The following C10orf67 variants were observed in gnomAD, a reference collection of about 807,000 sequenced individuals.
C10orf67 encodes the protein chromosome 10 open reading frame 67, also known as uncharacterized protein C10orf67, mitochondrial.
In C10orf67, 60 loss-of-function variants were observed where a neutral mutation model predicts 35.6. The ratio of observed to expected loss-of-function variants is 1.68; its 90% CI spans 1.37 to 2.09. C10orf67 has a LOEUF of 2.09. Ranked by LOEUF, C10orf67 falls within the 30% of genes most tolerant of loss-of-function variation. The pLI is 0.00. For missense variants in C10orf67, 474 were observed against 330.2 expected (o/e 1.44, Z -3.38); for synonymous variants, 167 against 115.8 (o/e 1.44, Z -2.84).
chr10:23,260,216 G>T (rs1214955177), intron 10 of C10orf67, among the ~76,000 whole-genome samples: 1 of 152,136 alleles, frequency 6.6e-6, no homozygotes, highest in Non-Finnish European at 1.5e-5. Flanking sequence ...AACTATGCAA[G>T]CCGAAAGAGG....
At chr10:23,322,565 G>A (rs560950836) in intron 2 of C10orf67, 28 bp from the exon 3 acceptor site, 22 of 1,486,792 alleles carry the variant, frequency 1.5e-5, no homozygotes, top group Non-Finnish European at 1.8e-5. Flanking sequence ...TATCCTTAGC[G>A]AAGTAACACA....
chr10:23,224,566 G>A (rs373591492), intron 13 of C10orf67, among the ~76,000 whole-genome samples: 1 of 152,106 alleles, frequency 6.6e-6, no homozygotes, highest in African/African-American at 2.4e-5. Context: ...GGCTTCAGGC[G>A]ATCAAACTTC....
At chr10:23,325,780 A>C (rs1418970599) in intron 2 of C10orf67, among the ~76,000 whole-genome samples, 1 of 152,048 alleles carries the variant, frequency 6.6e-6, no homozygotes, top group African/African-American at 2.4e-5. Flanking sequence ...AAAGATGTTA[A>C]AGCAGTTATT....
At chr10:23,275,568 T>C (rs1456818974) in intron 8 of C10orf67, among the ~76,000 whole-genome samples, 4 of 150,784 alleles carry the variant, frequency 2.7e-5, no homozygotes, top group Non-Finnish European at 4.4e-5. Flanking sequence ...AGATCACTGC[T>C]GATTACCCCT....
At chr10:23,322,273 T>G in intron 3 of C10orf67, 121 bp downstream of exon 3, 1 of 1,016,800 alleles carries the variant, frequency 9.8e-7, no homozygotes, top group Non-Finnish European at 1.4e-6. Flanking sequence ...AATTACCACA[T>G]GAGACACAAC....
chr10:23,252,000 GA>G (rs1411606013), intron 10 of C10orf67, among the ~76,000 whole-genome samples: 1 of 152,100 alleles, frequency 6.6e-6, no homozygotes, highest in Non-Finnish European at 1.5e-5. Context: ...GCAGCCCATT[GA>G]AAACAATTTT....
At chr10:23,279,719 T>G (rs1250316435) in intron 8 of C10orf67, among the ~76,000 whole-genome samples, 1 of 152,106 alleles carries the variant, frequency 6.6e-6, no homozygotes, top group Non-Finnish European at 1.5e-5. Flanking sequence ...AGATACAAAA[T>G]TATTTCATAT....
intron 7 of C10orf67, among the ~76,000 whole-genome samples, chr10:23,287,093 A>G (rs1843565791): frequency 6.6e-6 from 1 of 152,252 alleles, no homozygotes; most frequent in African/African-American, 2.4e-5. Flanking sequence ...TCAAACTACC[A>G]TTGACATTCT....
intron 1 of C10orf67, among the ~76,000 whole-genome samples, chr10:23,333,965 A>C (rs1789186975): frequency 6.6e-6 from 1 of 152,224 alleles, no homozygotes. Context: ...CACATGTTTC[A>C]GAAAAATAAA....
At chr10:23,253,861 C>A (rs1186125397) in intron 10 of C10orf67, among the ~76,000 whole-genome samples, 2 of 152,108 alleles carry the variant, frequency 1.3e-5, no homozygotes, top group Non-Finnish European at 2.9e-5. Flanking sequence ...GATAACGTCT[C>A]TTTTCATTAA....
At position 23,279,629 on chromosome 10, in the gene C10orf67, C is replaced by T. The variant is rs540826419; in HGVS notation, c.975+2384G>A. Among the ~76,000 whole-genome samples the T allele has an allele frequency of 1.6e-4, 25 of 152,256 alleles. No homozygotes were observed. The South Asian group carries it at 4.8e-3, about 29-fold the overall frequency. ...AATGAAGTAAGAGAAAGAGTTCAATCATGGTGTTTTTCTGATGAGGACCCT... is the reference window on the plus strand; with the variant it reads ...AATGAAGTAAGAGAAAGAGTTCAATTATGGTGTTTTTCTGATGAGGACCCT... On this transcript the variant is annotated intron_variant, in intron 8 of 15. Transcript: ENST00000636213.
chr10:23,304,077 C>G (rs547456174), intron 4 of C10orf67, among the ~76,000 whole-genome samples: 1 of 152,230 alleles, frequency 6.6e-6, no homozygotes, highest in South Asian at 2.1e-4. Context: ...AGGCCTCAGT[C>G]TCAGCTGTGG....
chr10:23,337,398 G>C (rs1179100577), intron 1 of C10orf67, among the ~76,000 whole-genome samples: 1 of 152,144 alleles, frequency 6.6e-6, no homozygotes, highest in Non-Finnish European at 1.5e-5. Flanking sequence ...GCCAGGTGTG[G>C]TGGCAAACAC....
chr10:23,212,233 C>A (rs1262852459), intron 15 of C10orf67, among the ~76,000 whole-genome samples: 1 of 152,180 alleles, frequency 6.6e-6, no homozygotes, highest in South Asian at 2.1e-4. Flanking sequence ...GATTCTCCCT[C>A]GCAGTCCTCA....
At chr10:23,250,384 A>G (rs375976085) in intron 12 of C10orf67, 71 bp downstream of exon 12, 184 of 397,508 alleles carry the variant, frequency 4.6e-4, no homozygotes, top group African/African-American at 3.2e-3. Context: ...AAAAATTGCA[A>G]CATTCCTAAC....
At chr10:23,297,673 G>A (rs184878140) in intron 5 of C10orf67, among the ~76,000 whole-genome samples, 167 of 152,330 alleles carry the variant, frequency 1.1e-3, no homozygotes, top group Admixed American at 9.7e-3. Context: ...CCCCCTGAGC[G>A]GCATAGGTTT....
chr10:23,253,481 C>T (rs1372217547), intron 10 of C10orf67, among the ~76,000 whole-genome samples: 1 of 152,032 alleles, frequency 6.6e-6, no homozygotes, highest in Non-Finnish European at 1.5e-5. Context: ...GGAAGAGCCC[C>T]AGGCCCAGGG....
intron 4 of C10orf67, 81 bp downstream of exon 4, chr10:23,320,660 G>A (rs559688479): frequency 9.3e-7 from 1 of 1,076,552 alleles, no homozygotes; most frequent in African/African-American, 1.6e-5. Context: ...AGACTGGGAA[G>A]CCAAGGTGAT....
At chr10:23,279,547 C>G (rs767117292) in intron 8 of C10orf67, among the ~76,000 whole-genome samples, 8 of 152,310 alleles carry the variant, frequency 5.3e-5, no homozygotes, top group Admixed American at 6.5e-5. Context: ...TACTTCCTTC[C>G]TATCTCCAGT....
Sources: gnomAD v4.1 joint callset for allele counts (sites outside exome capture counted in the v4.1 genomes callset) on GRCh38, gnomAD v4.1.1 for gene constraint, MANE v1.5 for transcripts, NCBI Gene and HGNC (gene_info 2026-07-23, HGNC 2026-07-21) for gene names.